Variants in DAB1 observed in about 807,000 individuals in gnomAD.
DAB1 encodes disabled homolog 1.
A neutral mutation model predicts 64.6 loss-of-function variants in DAB1; 15 were observed. The ratio of observed to expected loss-of-function variants is 0.23; its 90% CI spans 0.16 to 0.36. The LOEUF is 0.36. Ranked by LOEUF, DAB1 falls within the 10% of genes least tolerant of loss-of-function variation. The probability of loss-of-function intolerance (pLI) is 1.00; values close to 1 mark genes in which losing one functional copy is unlikely to be tolerated. For missense variants in DAB1, 596 were observed against 706.7 expected (o/e 0.84, Z 1.78); for synonymous variants, 235 against 251.9 (o/e 0.93, Z 0.64).
chr1:57,681,645 C>T (rs990099456), intron 6 of DAB1, among the ~76,000 whole-genome samples: 63 of 152,048 alleles, frequency 4.1e-4, no homozygotes, highest in Admixed American at 2.7e-3. Flanking sequence ...AGAATATAAA[C>T]CCACAACTAT....
rs192539656 is a variant in DAB1 at position 57,360,395 on chromosome 1, C to T, written c.-137+63535G>A. On this transcript the variant is annotated intron_variant, in intron 1 of 14. Transcript: ENST00000371236. ...AAATTAAAATGACTCTTTGCAGAATCCAATTTGGATAAGCCCATGTCAATA... is the reference window on the plus strand; with the variant it reads ...AAATTAAAATGACTCTTTGCAGAATTCAATTTGGATAAGCCCATGTCAATA... 9.5e-4 allele frequency among the ~76,000 whole-genome samples: 145 copies of T among 152,126 alleles called. 3 individuals carry two copies. In the East Asian group the frequency reaches 0.025, roughly 26 times the overall value.
intron 7 of DAB1, among the ~76,000 whole-genome samples, chr1:57,450,072 C>A (rs952030865): frequency 6.6e-6 from 1 of 152,166 alleles, no homozygotes; most frequent in African/African-American, 2.4e-5. Context: ...TTTTAGAAAA[C>A]ATCCCTTATC....
rs186731665 is a variant in DAB1, at chr1:57,163,489, G to T, written c.68-18060C>A. Among the ~76,000 whole-genome samples, 17 of 152,082 alleles carry T rather than the reference G, an allele frequency of 1.1e-4. No individual in the cohort carries two copies. The East Asian group carries it at 3.3e-3, about 30-fold the overall frequency. On this transcript the variant is annotated intron_variant, in intron 2 of 14. Coordinates refer to ENST00000371236, the MANE Select transcript of DAB1 (RefSeq NM_001365792.1). ...AGGTGGAAGTCAGGAGGGAGGCAGGGCTCCCTCGTGTGCTGCTTTGTGAGG... is the reference window on the plus strand; with the variant it reads ...AGGTGGAAGTCAGGAGGGAGGCAGGTCTCCCTCGTGTGCTGCTTTGTGAGG...
chr1:57,553,452 GAAA>G (rs1644945559), intron 7 of DAB1, among the ~76,000 whole-genome samples: 2 of 128,870 alleles, frequency 1.6e-5, no homozygotes, highest in Admixed American at 1.6e-4. Flanking sequence ...GAGAAAGAAA[GAAA>G]GAAAGAGAAA....
intron 2 of DAB1, among the ~76,000 whole-genome samples, chr1:57,184,877 T>C (rs1663366822): frequency 6.6e-6 from 1 of 152,126 alleles, no homozygotes; most frequent in African/African-American, 2.4e-5. Flanking sequence ...AGTTATGCTC[T>C]CACCCACTGA....
At chr1:57,868,500 G>T (rs1338512117) in intron 1 of DAB1, among the ~76,000 whole-genome samples, 3 of 152,126 alleles carry the variant, frequency 2.0e-5, no homozygotes, top group Non-Finnish European at 4.4e-5. Context: ...TTGTCATTAC[G>T]TTGGAGTTAC....
intron 5 of DAB1, among the ~76,000 whole-genome samples, chr1:58,036,133 G>C (rs1453599825): frequency 1.3e-5 from 2 of 152,210 alleles, no homozygotes; most frequent in Non-Finnish European, 2.9e-5. Flanking sequence ...GTAGCCTGCA[G>C]GTCCTCTAAT....
At chr1:57,853,476 T>C (rs1047751945) in intron 1 of DAB1, among the ~76,000 whole-genome samples, 5 of 152,186 alleles carry the variant, frequency 3.3e-5, no homozygotes, top group African/African-American at 4.8e-5. Flanking sequence ...TCTTCAGTGA[T>C]TGACACCATA....
At chr1:58,270,539 G>GT (rs1393496502) in intron 4 of DAB1, among the ~76,000 whole-genome samples, 1 of 58,000 alleles carries the variant, frequency 1.7e-5, no homozygotes, top group African/African-American at 7.6e-5. Context: ...CTTTAAAGTA[G>GT]TTTTTTCCAA....
At chr1:58,215,911 T>C (rs1444366635) in intron 4 of DAB1, among the ~76,000 whole-genome samples, 1 of 152,146 alleles carries the variant, frequency 6.6e-6, no homozygotes, top group Admixed American at 6.6e-5. Flanking sequence ...ACAGCACCCA[T>C]CACACCTTAC....
chr1:57,343,071 T>C (rs7547412), intron 1 of DAB1, among the ~76,000 whole-genome samples: 80,974 of 150,908 alleles, frequency 0.54, 22,458 homozygotes, highest in Non-Finnish European at 0.58. Context: ...ATTGGTAGAG[T>C]CCAGTGGTCT....
intron 3 of DAB1, among the ~76,000 whole-genome samples, chr1:58,371,624 T>C (rs1158882947): frequency 6.6e-6 from 1 of 152,182 alleles, no homozygotes; most frequent in Non-Finnish European, 1.5e-5. Context: ...TTTCAGAGAC[T>C]TTCATGGAAT....
At chr1:57,604,782 C>CA (rs1645616725) in intron 7 of DAB1, among the ~76,000 whole-genome samples, 2 of 152,188 alleles carry the variant, frequency 1.3e-5, no homozygotes, top group African/African-American at 2.4e-5. Context: ...AGTCCCTCTT[C>CA]AAAAATCCTG....
chr1:57,147,018 C>T (rs1659207607), intron 2 of DAB1, among the ~76,000 whole-genome samples: 1 of 145,606 alleles, frequency 6.9e-6, no homozygotes, highest in Non-Finnish European at 1.5e-5. Flanking sequence ...CAAATGGTAG[C>T]TGTCCCACTG....
chr1:58,481,364 T>A (rs1444544658), intron 3 of DAB1, among the ~76,000 whole-genome samples: 1 of 152,132 alleles, frequency 6.6e-6, no homozygotes, highest in Non-Finnish European at 1.5e-5. Context: ...GTTTTCATGA[T>A]TTGGTCAAAT....
chr1:58,124,148 G>A (rs531336875), intron 5 of DAB1, among the ~76,000 whole-genome samples: 13 of 151,772 alleles, frequency 8.6e-5, no homozygotes, highest in Admixed American at 2.6e-4. Context: ...TGGGATGCAC[G>A]TGGAATAAAA....
At chr1:57,057,960 GC>G (rs1650003576) in intron 9 of DAB1, among the ~76,000 whole-genome samples, 1 of 152,108 alleles carries the variant, frequency 6.6e-6, no homozygotes, top group South Asian at 2.1e-4. Flanking sequence ...TAAGTTACAG[GC>G]CCCTCTTCAG....
At chr1:57,799,476 C>T (rs1206632665) in intron 6 of DAB1, among the ~76,000 whole-genome samples, 1 of 151,340 alleles carries the variant, frequency 6.6e-6, no homozygotes, top group Non-Finnish European at 1.5e-5. Flanking sequence ...AGAGGTTTGC[C>T]AGAGCCACGG....
intron 7 of DAB1, among the ~76,000 whole-genome samples, chr1:57,459,225 A>G (rs1390462038): frequency 6.6e-6 from 1 of 152,192 alleles, no homozygotes; most frequent in Admixed American, 6.6e-5. Flanking sequence ...TTTCATAAAC[A>G]CTATGCATAT....
Sources: allele counts gnomAD v4.1 joint callset (sites outside exome capture counted in the v4.1 genomes callset), GRCh38; gene constraint gnomAD v4.1.1; transcripts MANE v1.5; gene names NCBI Gene and HGNC (gene_info 2026-07-23, HGNC 2026-07-21).